Variants in SNX29 observed in about 807,000 individuals in gnomAD.
The protein encoded by SNX29 is sorting nexin-29.
In SNX29, 78 loss-of-function variants were observed where a neutral mutation model predicts 102.1. The ratio of observed to expected loss-of-function variants is 0.76; its 90% CI spans 0.64 to 0.92. The LOEUF (loss-of-function observed/expected upper bound fraction) is 0.92, where lower values mean the gene tolerates loss of function less well. Among genes scored for constraint, SNX29 ranks in the 40% least tolerant of loss-of-function variants. The pLI is 0.00. For missense variants in SNX29, 1,280 were observed against 1,061.7 expected (o/e 1.21, Z -2.86); for synonymous variants, 580 against 414.5 (o/e 1.40, Z -4.85).
chr16:12,142,406 C>A (rs2054898095), intron 13 of SNX29, among the ~76,000 whole-genome samples: 1 of 141,646 alleles, frequency 7.1e-6, no homozygotes, highest in Non-Finnish European at 1.5e-5. Context: ...AGCCAAGGAG[C>A]GTTGAGTGCA....
chr16:12,540,021 TTTTAATTTTGATGAAATTTAC>T (rs1362174296), intron 20 of SNX29, among the ~76,000 whole-genome samples: 1 of 152,226 alleles, frequency 6.6e-6, no homozygotes, highest in African/African-American at 2.4e-5. Flanking sequence ...CATGACACCT[TTTTAATTTTGATGAAATTTAC>T]TTTTTGTGTC....
intron 14 of SNX29, among the ~76,000 whole-genome samples, chr16:12,220,763 TATA>T (rs1416000616): frequency 6.6e-6 from 1 of 152,226 alleles, no homozygotes; most frequent in Non-Finnish European, 1.5e-5. Flanking sequence ...TTAAGCTTCT[TATA>T]ATAGCTGAAA....
chr16:12,572,137 T>C lies in SNX29; in HGVS notation c.*3508T>C, dbSNP rs1021129966. 2 of 995,478 alleles carry C rather than the reference T, an allele frequency of 2.0e-6. No homozygotes were observed. The highest frequency in any genetic ancestry group is 2.5e-6 in the Non-Finnish European group (2 of 816,320). 61.7% of individuals were successfully genotyped at this position (995,478 alleles called of 1,614,324 possible). ...ACAGCCCTTGGCCCTGCTTCATACT[T>C]TGGAGCTTATTAAGATCAATTTTGA... On this transcript the variant is annotated 3_prime_UTR_variant, in exon 21 of 21. Transcript: ENST00000566228.
intron 13 of SNX29, among the ~76,000 whole-genome samples, chr16:12,187,962 G>A (rs2076552067): frequency 6.6e-6 from 1 of 152,172 alleles, no homozygotes; most frequent in South Asian, 2.1e-4. Flanking sequence ...CCATGCCCTA[G>A]GAGTTAGCTA....
At chr16:12,244,124 A>G (rs1030493226) in intron 14 of SNX29, among the ~76,000 whole-genome samples, 1 of 152,028 alleles carries the variant, frequency 6.6e-6, no homozygotes, top group Non-Finnish European at 1.5e-5. Flanking sequence ...GCCACCTCTG[A>G]TCTGACAGGA....
intron 20 of SNX29, among the ~76,000 whole-genome samples, chr16:12,554,640 G>A (rs149273584): frequency 3.3e-5 from 5 of 152,230 alleles, no homozygotes; most frequent in Non-Finnish European, 5.9e-5. Flanking sequence ...GTTTCCCCAG[G>A]TTTCACCAGT....
intron 14 of SNX29, among the ~76,000 whole-genome samples, chr16:12,253,322 G>A (rs925342179): frequency 6.6e-6 from 1 of 152,234 alleles, no homozygotes; most frequent in African/African-American, 2.4e-5. Flanking sequence ...TGGGCTGAAA[G>A]TGAATAAAAC....
intron 18 of SNX29, among the ~76,000 whole-genome samples, chr16:12,458,952 TATATA>T (rs1299155563): frequency 6.6e-6 from 1 of 152,210 alleles, no homozygotes; most frequent in Non-Finnish European, 1.5e-5. Flanking sequence ...TTTTTTGCCT[TATATA>T]AGTAAAACAT....
At chr16:12,470,603 T>A (rs879810077) in intron 18 of SNX29, among the ~76,000 whole-genome samples, 1 of 152,078 alleles carries the variant, frequency 6.6e-6, no homozygotes, top group Non-Finnish European at 1.5e-5. Flanking sequence ...CTCGAGAAGG[T>A]CATTTCCTGA....
In SNX29 at chr16:12,555,851, C is replaced by T. The variant is rs147705555; in HGVS notation, c.2319-12655C>T. On this transcript the variant is annotated intron_variant, in intron 20 of 20. Coordinates refer to ENST00000566228, the MANE Select transcript of SNX29 (RefSeq NM_032167.5). ...GCTGACTGACCAACCCCCCTCACCACCTCCATCATTTTCTCCAGAGGCCGT... is the reference window on the plus strand; with the variant it reads ...GCTGACTGACCAACCCCCCTCACCATCTCCATCATTTTCTCCAGAGGCCGT... Among the ~76,000 whole-genome samples the T allele has an allele frequency of 1.4e-4, 21 of 152,312 alleles. 1 individual carries two copies. In the East Asian group the frequency reaches 4.1e-3, roughly 29 times the overall value.
intron 18 of SNX29, among the ~76,000 whole-genome samples, chr16:12,471,567 C>G (rs942057240): frequency 6.6e-6 from 1 of 152,170 alleles, no homozygotes; most frequent in African/African-American, 2.4e-5. Flanking sequence ...TGTGTCAGGT[C>G]CACGTGGATG....
At chr16:12,369,012 C>T (rs1478011868) in intron 16 of SNX29, among the ~76,000 whole-genome samples, 4 of 152,192 alleles carry the variant, frequency 2.6e-5, no homozygotes, top group African/African-American at 7.2e-5. Flanking sequence ...AGTAAGCTTC[C>T]TCTGATCTCA....
chr16:12,485,987 A>T (rs1408744484), intron 19 of SNX29, among the ~76,000 whole-genome samples: 1 of 152,180 alleles, frequency 6.6e-6, no homozygotes, highest in Non-Finnish European at 1.5e-5. Flanking sequence ...TTACAACAAC[A>T]CACATTTATT....
intron 14 of SNX29, among the ~76,000 whole-genome samples, chr16:12,233,653 T>C (rs2142220045): frequency 6.6e-6 from 1 of 152,334 alleles, no homozygotes; most frequent in South Asian, 2.1e-4. Context: ...ACAATTCATC[T>C]ATTTAGTGTA....
At chr16:12,358,625 C>A (rs1167844239) in intron 16 of SNX29, among the ~76,000 whole-genome samples, 1 of 152,160 alleles carries the variant, frequency 6.6e-6, no homozygotes, top group Non-Finnish European at 1.5e-5. Flanking sequence ...GGTCACAAGA[C>A]CCCCATTTCA....
intron 20 of SNX29, among the ~76,000 whole-genome samples, chr16:12,564,023 TGAG>T (rs558317077): frequency 3.0e-4 from 45 of 152,002 alleles, no homozygotes; most frequent in Middle Eastern, 3.4e-3. Context: ...GGTAGGGAGT[TGAG>T]GAGTTGCACC....
chr16:12,269,468 A>G (rs2079027706), intron 14 of SNX29, among the ~76,000 whole-genome samples: 1 of 152,220 alleles, frequency 6.6e-6, no homozygotes, highest in Admixed American at 6.5e-5. Context: ...TTCTGTGACA[A>G]TAAGATAGGT....
chr16:12,459,143 C>T (rs1279435524), intron 18 of SNX29, among the ~76,000 whole-genome samples: 1 of 140,132 alleles, frequency 7.1e-6, no homozygotes, highest in Admixed American at 7.1e-5. Context: ...CCCCCCTCCT[C>T]CCCCTCTCCA....
intron 13 of SNX29, among the ~76,000 whole-genome samples, chr16:12,196,622 C>CTTTTTTTTT (rs34779383): frequency 1.7e-4 from 22 of 129,654 alleles, no homozygotes; most frequent in East Asian, 4.4e-4. Flanking sequence ...TTTCTTTTTT[C>CTTTTTTTTT]TTTTTTTTTT....
Sources: gnomAD v4.1 joint callset for allele counts (sites outside exome capture counted in the v4.1 genomes callset) on GRCh38, gnomAD v4.1.1 for gene constraint, MANE v1.5 for transcripts, NCBI Gene and HGNC (gene_info 2026-07-23, HGNC 2026-07-21) for gene names.